FAF1: variants seen among roughly 807,000 people sequenced by gnomAD.
FAF1 encodes the protein FAS-associated factor 1.
FAF1 carries 25 observed loss-of-function variants against 92.5 expected under a neutral mutation model. That is an observed-to-expected ratio of 0.27 (90% confidence interval 0.20 to 0.38). The LOEUF is 0.38. Ranked by LOEUF, FAF1 falls within the 10% of genes least tolerant of loss-of-function variation. The pLI, the probability that FAF1 is intolerant of heterozygous loss-of-function variation, is 1.00. For missense variants in FAF1, 636 were observed against 793.3 expected (o/e 0.80, Z 2.38); for synonymous variants, 234 against 273.2 (o/e 0.86, Z 1.42).
Position 50,596,108 on chromosome 1 carries a change from C to A in FAF1, c.840+13G>T, listed in dbSNP as rs1385772980. On this transcript the variant is annotated intron_variant, in intron 9 of 18. Coordinates refer to ENST00000396153, the MANE Select transcript of FAF1 (RefSeq NM_007051.3). ...GGCCTTCTGTTCAAAGAAAAGCTGG[C>A]AAACAGGCTTACTTCTTCCGACTGT... 6.2e-7 allele frequency: 1 copy of A among 1,600,784 alleles called. No homozygotes were observed. The highest frequency in any genetic ancestry group is 8.5e-7 in the Non-Finnish European group (1 of 1,170,372).
At chr1:50,642,417 G>A (rs1346132566) in intron 8 of FAF1, among the ~76,000 whole-genome samples, 1 of 152,034 alleles carries the variant, frequency 6.6e-6, no homozygotes, top group Non-Finnish European at 1.5e-5. Flanking sequence ...TTGGGAGGCC[G>A]ACGCGGGGGG....
At chr1:50,856,492 A>G (rs1388499699) in intron 2 of FAF1, among the ~76,000 whole-genome samples, 2 of 151,846 alleles carry the variant, frequency 1.3e-5, no homozygotes, top group African/African-American at 4.8e-5. Context: ...GAGTCAAGCT[A>G]TACAAATATT....
chr1:50,948,920 AC>A (rs900676613), intron 1 of FAF1, among the ~76,000 whole-genome samples: 2 of 151,924 alleles, frequency 1.3e-5, no homozygotes, highest in Non-Finnish European at 2.9e-5. Context: ...TGAGGGATCC[AC>A]CCCCATGATC....
intron 4 of FAF1, among the ~76,000 whole-genome samples, chr1:50,760,951 A>G (rs1470261649): frequency 3.3e-5 from 5 of 152,188 alleles, no homozygotes; most frequent in African/African-American, 1.2e-4. Flanking sequence ...CAAGACTAAT[A>G]AAGAAGAAAA....
intron 2 of FAF1, among the ~76,000 whole-genome samples, chr1:50,823,955 T>C (rs1644069045): frequency 6.6e-6 from 1 of 152,112 alleles, no homozygotes; most frequent in African/African-American, 2.4e-5. Context: ...GTATTATACT[T>C]AGATTTTTAA....
At chr1:50,614,613 G>A (rs1250687997) in intron 8 of FAF1, among the ~76,000 whole-genome samples, 2 of 152,134 alleles carry the variant, frequency 1.3e-5, no homozygotes, top group Non-Finnish European at 2.9e-5. Flanking sequence ...GCCAAGGTGG[G>A]CGGATTACCT....
At chr1:50,459,659 T>G (rs1283212111) in intron 18 of FAF1, among the ~76,000 whole-genome samples, 1 of 152,226 alleles carries the variant, frequency 6.6e-6, no homozygotes, top group African/African-American at 2.4e-5. Context: ...ATTGTTGCCA[T>G]CTTAGTACTG....
intron 15 of FAF1, among the ~76,000 whole-genome samples, chr1:50,521,683 G>A: frequency 6.6e-6 from 1 of 152,180 alleles, no homozygotes; most frequent in Non-Finnish European, 1.5e-5. Flanking sequence ...TGGACAGGTT[G>A]GGCCAGCTAT....
chr1:50,461,083 G>A (rs1042370755), intron 18 of FAF1, among the ~76,000 whole-genome samples: 6 of 152,158 alleles, frequency 3.9e-5, no homozygotes, highest in Non-Finnish European at 4.4e-5. Context: ...CAGTGGTTGA[G>A]TATCCACTAA....
intron 15 of FAF1, among the ~76,000 whole-genome samples, chr1:50,515,297 T>A (rs1647202964): frequency 6.6e-6 from 1 of 152,208 alleles, no homozygotes; most frequent in South Asian, 2.1e-4. Context: ...ATTGGCTATG[T>A]AACTTGCCAA....
chr1:50,710,751 T>A (rs1469294752), intron 6 of FAF1, among the ~76,000 whole-genome samples: 3 of 150,264 alleles, frequency 2.0e-5, no homozygotes, highest in Admixed American at 6.6e-5. Flanking sequence ...TACAGGTGTG[T>A]GCCACCACGC....
intron 12 of FAF1, among the ~76,000 whole-genome samples, chr1:50,574,192 A>G (rs906371905): frequency 6.6e-6 from 1 of 152,236 alleles, no homozygotes; most frequent in Non-Finnish European, 1.5e-5. Flanking sequence ...TTGGGTATAG[A>G]TCTTTATCAG....
chr1:50,446,465 G>A (rs1043131157), intron 18 of FAF1, among the ~76,000 whole-genome samples: 1 of 152,104 alleles, frequency 6.6e-6, no homozygotes, highest in Non-Finnish European at 1.5e-5. Flanking sequence ...TCAACCAGTA[G>A]GTAAATGTTC....
At chr1:50,848,837 A>C (rs1291519709) in intron 2 of FAF1, among the ~76,000 whole-genome samples, 2 of 152,230 alleles carry the variant, frequency 1.3e-5, no homozygotes, top group Non-Finnish European at 2.9e-5. Flanking sequence ...GAATCAGCAC[A>C]AGTTGGGAGA....
At chr1:50,712,427 G>A (rs532887734) in intron 6 of FAF1, among the ~76,000 whole-genome samples, 6 of 152,244 alleles carry the variant, frequency 3.9e-5, no homozygotes, top group Non-Finnish European at 8.8e-5. Context: ...AGGCAGAGGT[G>A]GGTGTATCCC....
intron 1 of FAF1, among the ~76,000 whole-genome samples, chr1:50,940,148 G>A (rs1369598421): frequency 6.6e-6 from 1 of 152,134 alleles, no homozygotes; most frequent in East Asian, 1.9e-4. Context: ...CTGAGCTCAA[G>A]CAATCTGCCC....
intron 13 of FAF1, among the ~76,000 whole-genome samples, chr1:50,565,630 T>C (rs1349503447): frequency 1.3e-5 from 2 of 152,092 alleles, no homozygotes; most frequent in Non-Finnish European, 2.9e-5. Flanking sequence ...AGCAATTACA[T>C]GGCTGTTGAT....
intron 1 of FAF1, among the ~76,000 whole-genome samples, chr1:50,904,677 T>C (rs1480350636): frequency 6.6e-6 from 1 of 152,116 alleles, no homozygotes; most frequent in Non-Finnish European, 1.5e-5. Flanking sequence ...GCATTTACCA[T>C]CTCAAGGGTA....
At chr1:50,585,924 G>A (rs1246288842) in intron 9 of FAF1, among the ~76,000 whole-genome samples, 1 of 150,130 alleles carries the variant, frequency 6.7e-6, no homozygotes, top group Non-Finnish European at 1.5e-5. Context: ...GCATGATGGT[G>A]TGCCGCTGGT....
Sources: allele counts gnomAD v4.1 joint callset (sites outside exome capture counted in the v4.1 genomes callset), GRCh38; gene constraint gnomAD v4.1.1; transcripts MANE v1.5; gene names NCBI Gene and HGNC (gene_info 2026-07-23, HGNC 2026-07-21).